Variants in SLC35F4 observed in about 807,000 individuals in gnomAD.
SLC35F4 encodes the protein solute carrier family 35 member F4, also known as chromosome 14 open reading frame 36.
Under a neutral mutation model 44.2 loss-of-function variants are expected in SLC35F4, and 24 were observed. That is an observed-to-expected ratio of 0.54 (90% confidence interval 0.39 to 0.76). SLC35F4 has a LOEUF of 0.76. SLC35F4 is among the 30% of genes least tolerant of loss of function. The pLI is 0.00. For missense variants in SLC35F4, 562 were observed against 586.1 expected, an observed-to-expected ratio of 0.96 and a Z score of 0.42; for synonymous variants, 238 against 223.6, an observed-to-expected ratio of 1.06 and a Z score of -0.57.
chr14:57,716,992 T>C (rs903410987), intron 1 of SLC35F4, among the ~76,000 whole-genome samples: 4 of 152,206 alleles, frequency 2.6e-5, no homozygotes, highest in Non-Finnish European at 5.9e-5. Flanking sequence ...TATGCTTGTC[T>C]TATTTCACTC....
intron 1 of SLC35F4, among the ~76,000 whole-genome samples, chr14:57,598,086 T>C (rs1430630531): frequency 6.6e-6 from 1 of 152,092 alleles, no homozygotes; most frequent in Non-Finnish European, 1.5e-5. Context: ...GGCCAGAGTG[T>C]CCCTAAACCT....
chr14:57,956,803 G>A (rs1464386152), intron 1 of SLC35F4, among the ~76,000 whole-genome samples: 1 of 152,212 alleles, frequency 6.6e-6, no homozygotes, highest in Non-Finnish European at 1.5e-5. Context: ...AGATGCTGGA[G>A]AGGATGTGGA....
intron 1 of SLC35F4, among the ~76,000 whole-genome samples, chr14:57,792,802 A>C (rs912188682): frequency 6.6e-6 from 1 of 152,108 alleles, no homozygotes; most frequent in African/African-American, 2.4e-5. Flanking sequence ...GTGAGGGATA[A>C]AAGACTACAC....
intron 1 of SLC35F4, among the ~76,000 whole-genome samples, chr14:57,904,849 C>T (rs1183232721): frequency 1.3e-5 from 2 of 152,124 alleles, no homozygotes; most frequent in Non-Finnish European, 2.9e-5. Flanking sequence ...TCCCAAAAAC[C>T]TATGCTTTTC....
intron 1 of SLC35F4, among the ~76,000 whole-genome samples, chr14:57,693,396 GT>G (rs143329053): frequency 0.029 from 4,465 of 152,246 alleles, 215 homozygotes; most frequent in African/African-American, 0.1. Context: ...ACACTGGAAG[GT>G]TGTGGGTTTA....
At chr14:57,772,734 C>CATTT (rs1429978239) in intron 1 of SLC35F4, among the ~76,000 whole-genome samples, 6 of 152,130 alleles carry the variant, frequency 3.9e-5, no homozygotes, top group Non-Finnish European at 5.9e-5. Context: ...TTATATATCA[C>CATTT]ATTTATTTAT....
chr14:57,576,309 T>G (rs1237613910), intron 4 of SLC35F4, among the ~76,000 whole-genome samples: 1 of 152,184 alleles, frequency 6.6e-6, no homozygotes, highest in Non-Finnish European at 1.5e-5. Context: ...TAGGTGAGTA[T>G]GAAGCAGCTG....
intron 1 of SLC35F4, among the ~76,000 whole-genome samples, chr14:57,769,617 A>T (rs1821268780): frequency 6.6e-6 from 1 of 152,206 alleles, no homozygotes; most frequent in South Asian, 2.1e-4. Flanking sequence ...ATCTCTGAAG[A>T]GAGGCTGCAC....
intron 1 of SLC35F4, among the ~76,000 whole-genome samples, chr14:57,628,502 GTGTTCTCAT>G (rs1201109996): frequency 2.5e-4 from 35 of 142,396 alleles, no homozygotes; most frequent in African/African-American, 9.2e-4. Flanking sequence ...CTGTGTCCAT[GTGTTCTCAT>G]TGTTAAACTC....
chr14:57,695,407 AAC>A (rs1255755463), intron 1 of SLC35F4, among the ~76,000 whole-genome samples: 1 of 151,378 alleles, frequency 6.6e-6, no homozygotes, highest in Non-Finnish European at 1.5e-5. Context: ...GCAGCCAAAA[AAC>A]ACATGAAAAA....
chr14:57,891,177 T>A (rs1386480452), intron 1 of SLC35F4, among the ~76,000 whole-genome samples: 7 of 152,200 alleles, frequency 4.6e-5, no homozygotes, highest in Non-Finnish European at 1.0e-4. Context: ...AAAAAAAGAT[T>A]TTTTAAAACT....
chr14:57,707,380 A>C (rs1029404178), intron 1 of SLC35F4, among the ~76,000 whole-genome samples: 1 of 152,122 alleles, frequency 6.6e-6, no homozygotes, highest in Non-Finnish European at 1.5e-5. Flanking sequence ...TTTTTATGAT[A>C]GTGAGTGAGT....
chr14:57,591,132 T>A (rs1489974815), intron 2 of SLC35F4, among the ~76,000 whole-genome samples: 1 of 152,142 alleles, frequency 6.6e-6, no homozygotes, highest in Non-Finnish European at 1.5e-5. Context: ...AACCAAATCT[T>A]ATGGAGACTC....
intron 1 of SLC35F4, among the ~76,000 whole-genome samples, chr14:57,807,103 G>A (rs929603952): frequency 2.0e-5 from 3 of 152,208 alleles, no homozygotes; most frequent in Non-Finnish European, 4.4e-5. Flanking sequence ...AAAATTAGTA[G>A]TAAAAATAGT....
At chr14:57,790,073 G>A (rs975939873) in intron 1 of SLC35F4, among the ~76,000 whole-genome samples, 3 of 152,174 alleles carry the variant, frequency 2.0e-5, no homozygotes, top group African/African-American at 7.2e-5. Flanking sequence ...GATTCCCTTT[G>A]AAAAGTGGCA....
chr14:57,856,762 G>T (rs1887141939), intron 1 of SLC35F4, among the ~76,000 whole-genome samples: 4 of 151,900 alleles, frequency 2.6e-5, no homozygotes, highest in South Asian at 2.1e-4. Context: ...TACTCTCAGG[G>T]TATAAACATA....
At position 57,564,258 on chromosome 14, in the gene SLC35F4, C is replaced by T. The variant is rs2139646260; in HGVS notation, c.1335G>A (p.Leu445=). ...TTTCCTTCAGGCTGTTGATGAACCT[C>T]AGGGTGATTTCATCCCATTCCTCAG... The part of the protein sequence containing the change: ...LLPEEWDEIT[L]RFINSLKEKK... The change falls in exon 8 of 8, where the codon CTG becomes CTA. Residue 445 remains leucine (L), a synonymous_variant. Coordinates refer to ENST00000556826, the MANE Select transcript of SLC35F4 (RefSeq NM_001306087.2). 1 of 1,613,302 alleles carries T rather than the reference C, an allele frequency of 6.2e-7. No homozygotes were observed. The highest frequency in any genetic ancestry group is 1.7e-5 in the Admixed American group (1 of 59,858).
chr14:57,781,020 G>C (rs1032886638), intron 1 of SLC35F4, among the ~76,000 whole-genome samples: 1 of 152,162 alleles, frequency 6.6e-6, no homozygotes, highest in Admixed American at 6.6e-5. Context: ...AAGATTTCAT[G>C]AGGAAGACAC....
intron 1 of SLC35F4, among the ~76,000 whole-genome samples, chr14:57,859,243 A>G (rs1852376812): frequency 6.6e-6 from 1 of 152,226 alleles, no homozygotes; most frequent in African/African-American, 2.4e-5. Flanking sequence ...GCATATATGG[A>G]AGACTATATG....
Sources: gnomAD v4.1 joint callset for allele counts (sites outside exome capture counted in the v4.1 genomes callset) on GRCh38, gnomAD v4.1.1 for gene constraint, MANE v1.5 for transcripts, NCBI Gene and HGNC (gene_info 2026-07-23, HGNC 2026-07-21) for gene names.